Variants in FAM178B observed in about 807,000 individuals in gnomAD.
The protein encoded by FAM178B is protein FAM178B.
Under a neutral mutation model 91.7 loss-of-function variants are expected in FAM178B, and 82 were observed. The observed-to-expected ratio is 0.89, with a 90% CI of 0.75 to 1.07. The LOEUF is 1.07. FAM178B is among the 50% of genes least tolerant of loss of function. FAM178B has a pLI of 0.00. For synonymous variants in FAM178B, 368 were observed against 359.4 expected, an observed-to-expected ratio of 1.02 and a Z score of -0.27; for missense variants, 769 against 846.7, an observed-to-expected ratio of 0.91 and a Z score of 1.14.
intron 13 of FAM178B, among the ~76,000 whole-genome samples, chr2:96,899,062 C>G (rs926498819): frequency 1.3e-5 from 2 of 152,208 alleles, no homozygotes; most frequent in African/African-American, 4.8e-5. Flanking sequence ...AAGGGGAGTG[C>G]CTGGCAGCCT....
intron 14 of FAM178B, among the ~76,000 whole-genome samples, chr2:96,889,291 C>T (rs1341815614): frequency 1.3e-5 from 2 of 152,126 alleles, no homozygotes; most frequent in Non-Finnish European, 2.9e-5. Flanking sequence ...TTTAACCAAC[C>T]GGGAGAAAAA....
intron 13 of FAM178B, among the ~76,000 whole-genome samples, chr2:96,897,324 T>C (rs2080843564): frequency 6.6e-6 from 1 of 152,198 alleles, no homozygotes; most frequent in South Asian, 2.1e-4. Flanking sequence ...GAACAAATGA[T>C]TGAATGAATA....
In FAM178B at chr2:96,986,338, G is replaced by C. The variant is rs760080341; in HGVS notation, c.-25C>G. 7.2e-6 allele frequency: 11 copies of C among 1,529,898 alleles called. No individual in the cohort carries two copies. Among genetic ancestry groups the C allele is most frequent in the South Asian group, 6.0e-5 (5 of 83,636 alleles). The allele number at this position is 1,529,898 out of a possible 1,614,324, so 94.8% of individuals were successfully genotyped here. A position where few individuals can be genotyped will look rare whatever the true frequency, so the allele number is the denominator to read the frequency against. ...TAGGGCGGGAAGGGCAGGGCTCCGG[G>C]GTGAGGGAGGGTGGCGGGAATTCGC... On this transcript the variant is annotated 5_prime_UTR_variant, in exon 1 of 17. Transcript: ENST00000490605.
At chr2:96,933,443 T>C (rs772446155) in intron 8 of FAM178B, among the ~76,000 whole-genome samples, 7 of 152,048 alleles carry the variant, frequency 4.6e-5, no homozygotes, top group Non-Finnish European at 7.4e-5. Context: ...TCCATCTGTG[T>C]CGTGGAAGAA....
intron 8 of FAM178B, among the ~76,000 whole-genome samples, chr2:96,941,917 C>CA (rs779961971): frequency 6.6e-6 from 1 of 152,182 alleles, no homozygotes; most frequent in Admixed American, 6.5e-5. Flanking sequence ...GTTAAAGAAA[C>CA]TTGAGGTCAT....
intron 3 of FAM178B, 38 bp from the exon 4 acceptor site, chr2:96,970,815 A>G (rs2082207533): frequency 3.5e-6 from 5 of 1,422,886 alleles, no homozygotes; most frequent in Non-Finnish European, 4.9e-6. Context: ...ACGACAGAGA[A>G]GTACAAAGAT....
intron 14 of FAM178B, among the ~76,000 whole-genome samples, chr2:96,880,777 G>A (rs935223076): frequency 2.0e-5 from 3 of 152,158 alleles, no homozygotes; most frequent in African/African-American, 4.8e-5. Context: ...TGTATTTTCA[G>A]TGGAGACGGG....
At chr2:96,889,247 A>G (rs1194346852) in intron 14 of FAM178B, among the ~76,000 whole-genome samples, 1 of 152,162 alleles carries the variant, frequency 6.6e-6, no homozygotes, top group African/African-American at 2.4e-5. Context: ...TTTCCATACA[A>G]TGGGAAATAA....
intron 8 of FAM178B, among the ~76,000 whole-genome samples, chr2:96,944,111 C>CG (rs2081780043): frequency 1.3e-5 from 2 of 151,830 alleles, no homozygotes; most frequent in East Asian, 3.9e-4. Context: ...GGTGTGGTAG[C>CG]GGTGCCTGTA....
At chr2:96,960,045 C>G (rs1372008142) in intron 6 of FAM178B, among the ~76,000 whole-genome samples, 3 of 152,210 alleles carry the variant, frequency 2.0e-5, no homozygotes, top group Non-Finnish European at 4.4e-5. Flanking sequence ...CAACATGAAC[C>G]TGTAAATGCA....
At chr2:96,876,984 C>T (rs1426382935) in intron 16 of FAM178B, among the ~76,000 whole-genome samples, 3 of 152,120 alleles carry the variant, frequency 2.0e-5, no homozygotes, top group South Asian at 2.1e-4. Context: ...AAGCTGCCTG[C>T]GTGATGGGGG....
intron 1 of FAM178B, chr2:96,978,019 C>T (rs1333931941): frequency 1.5e-5 from 6 of 405,964 alleles, no homozygotes; most frequent in East Asian, 7.2e-5. Context: ...TCATTGCTAA[C>T]GGAAAAAAAA....
intron 12 of FAM178B, among the ~76,000 whole-genome samples, 169 bp downstream of exon 12, chr2:96,920,996 T>C (rs1378804381): frequency 1.3e-5 from 2 of 152,162 alleles, no homozygotes; most frequent in Non-Finnish European, 2.9e-5. Context: ...TAAGCTTTTT[T>C]TCATTTGTAA....
Position 96,986,343 on chromosome 2 carries a change from G to C in FAM178B, c.-30C>G. The stretch of plus-strand genomic sequence containing the variant: ...CGGGAAGGGCAGGGCTCCGGGGTGA[G>C]GGAGGGTGGCGGGAATTCGCACGGC... On this transcript the variant is annotated 5_prime_UTR_variant, in exon 1 of 17. Coordinates refer to ENST00000490605, the MANE Select transcript of FAM178B (RefSeq NM_001122646.3). 1 of 1,529,198 alleles carries C rather than the reference G, an allele frequency of 6.5e-7. No individual in the cohort carries two copies. Among genetic ancestry groups the C allele is most frequent in the Non-Finnish European group, 8.7e-7 (1 of 1,145,000 alleles). The allele number at this position is 1,529,198 out of a possible 1,614,324, so 94.7% of individuals were successfully genotyped here. A position where few individuals can be genotyped will look rare whatever the true frequency, so the allele number is the denominator to read the frequency against.
At chr2:96,967,019 G>C (rs965278910) in intron 5 of FAM178B, among the ~76,000 whole-genome samples, 1 of 152,182 alleles carries the variant, frequency 6.6e-6, no homozygotes, top group African/African-American at 2.4e-5. Flanking sequence ...AGTGTGCCCT[G>C]AAGATGGATT....
chr2:96,884,723 C>T (rs903217011), intron 14 of FAM178B, among the ~76,000 whole-genome samples: 3 of 152,210 alleles, frequency 2.0e-5, no homozygotes, highest in Admixed American at 1.3e-4. Flanking sequence ...ATGAGCAAAC[C>T]GCACAACCTC....
chr2:96,918,868 G>T (rs188905309), intron 12 of FAM178B, among the ~76,000 whole-genome samples: 1 of 152,146 alleles, frequency 6.6e-6, no homozygotes, highest in African/African-American at 2.4e-5. Context: ...GACATTACAC[G>T]GGACAGCACT....
At chr2:96,898,963 A>G (rs971937867) in intron 13 of FAM178B, among the ~76,000 whole-genome samples, 1 of 152,162 alleles carries the variant, frequency 6.6e-6, no homozygotes, top group Non-Finnish European at 1.5e-5. Context: ...AGACATTGGG[A>G]AAGGGGCATG....
At chr2:96,903,305 C>T (rs2080969852) in intron 12 of FAM178B, among the ~76,000 whole-genome samples, 1 of 152,252 alleles carries the variant, frequency 6.6e-6, no homozygotes, top group African/African-American at 2.4e-5. Context: ...TCCCAAAGTG[C>T]TGGGATTACA....
Sources: gnomAD v4.1 joint callset for allele counts (sites outside exome capture counted in the v4.1 genomes callset) on GRCh38, gnomAD v4.1.1 for gene constraint, MANE v1.5 for transcripts, NCBI Gene and HGNC (gene_info 2026-07-23, HGNC 2026-07-21) for gene names.